CUEDC1: variants seen among roughly 807,000 people sequenced by gnomAD.
The protein encoded by CUEDC1 is CUE domain-containing protein 1.
In CUEDC1, 30 loss-of-function variants were observed where a neutral mutation model predicts 43.7. That is an observed-to-expected ratio of 0.69 (90% CI 0.51 to 0.93). The LOEUF is 0.93. CUEDC1 is among the 40% of genes least tolerant of loss of function. The pLI, the probability that CUEDC1 is intolerant of heterozygous loss-of-function variation, is 0.00. For missense variants in CUEDC1, 486 were observed against 549.0 expected, an observed-to-expected ratio of 0.89 and a Z score of 1.15; for synonymous variants, 223 against 223.6, an observed-to-expected ratio of 1.00 and a Z score of 0.02.
At chr17:57,864,017 A>AG (rs35429714) in intron 10 of CUEDC1, among the ~76,000 whole-genome samples, 2 of 149,338 alleles carry the variant, frequency 1.3e-5, no homozygotes, top group East Asian at 1.9e-4. Flanking sequence ...AAAAAAAAAA[A>AG]GAAAGAAAAG....
intron 2 of CUEDC1, among the ~76,000 whole-genome samples, chr17:57,881,408 G>GCT (rs1568033847): frequency 2.0e-5 from 3 of 152,246 alleles, no homozygotes; most frequent in Non-Finnish European, 2.9e-5. Context: ...AAAAGAGAGA[G>GCT]AACACTGTAA....
intron 4 of CUEDC1, among the ~76,000 whole-genome samples, chr17:57,873,146 G>GA (rs1340182952): frequency 6.6e-6 from 1 of 152,192 alleles, no homozygotes; most frequent in Non-Finnish European, 1.5e-5. Context: ...GCAGACTGTG[G>GA]AACAGCCTAT....
chr17:57,921,719 T>TC (rs1259535341), intron 1 of CUEDC1, among the ~76,000 whole-genome samples: 2 of 152,242 alleles, frequency 1.3e-5, no homozygotes, highest in South Asian at 4.2e-4. Context: ...CCAGCACCTG[T>TC]CTCCAGTGCT....
chr17:57,935,925 A>G (rs1311334489), intron 1 of CUEDC1, among the ~76,000 whole-genome samples: 1 of 152,192 alleles, frequency 6.6e-6, no homozygotes, highest in African/African-American at 2.4e-5. Flanking sequence ...GGCTCCTGAG[A>G]GAAAGACCAG....
chr17:57,928,924 T>G (rs1331947794), intron 1 of CUEDC1, among the ~76,000 whole-genome samples: 1 of 152,144 alleles, frequency 6.6e-6, no homozygotes, highest in Non-Finnish European at 1.5e-5. Flanking sequence ...TTGTCCCAAT[T>G]CTGATCCTGG....
chr17:57,874,681 A>G (rs1405600508), intron 3 of CUEDC1, among the ~76,000 whole-genome samples: 1 of 152,094 alleles, frequency 6.6e-6, no homozygotes, highest in Non-Finnish European at 1.5e-5. Flanking sequence ...AAAACGGCAC[A>G]CTGAGAAGGC....
chr17:57,908,041 C>T (rs931931085), intron 1 of CUEDC1, among the ~76,000 whole-genome samples: 1 of 151,940 alleles, frequency 6.6e-6, no homozygotes, highest in African/African-American at 2.4e-5. Context: ...ACACGCATGC[C>T]CACGGGCCAG....
At position 57,872,869 on chromosome 17, in the gene CUEDC1, C is replaced by A; in HGVS notation, c.592-14G>T. The stretch of plus-strand genomic sequence containing the variant: ...CCCAGCGTTACCCTGAGGAGGGAAG[C>A]GAGCATGTTGAATGTGTACACACAA... On this transcript the variant is annotated splice_polypyrimidine_tract_variant and intron_variant, in intron 4 of 10. Transcript: ENST00000577830. The A allele has an allele frequency of 3.1e-6, 5 of 1,607,246 alleles. No individual in the cohort carries two copies. The highest frequency in any genetic ancestry group is 4.2e-6 in the Non-Finnish European group (5 of 1,177,440).
intron 5 of CUEDC1, 76 bp from the exon 6 acceptor site, chr17:57,871,445 T>A: frequency 1.6e-6 from 2 of 1,228,756 alleles, no homozygotes; most frequent in Non-Finnish European, 2.4e-6. Flanking sequence ...TGGGACACGG[T>A]AGTTTGCTAG....
At chr17:57,926,477 T>C (rs774309812) in intron 1 of CUEDC1, among the ~76,000 whole-genome samples, 49 of 151,842 alleles carry the variant, frequency 3.2e-4, no homozygotes, top group Non-Finnish European at 5.6e-4. Flanking sequence ...GAGAAATGTA[T>C]GGGATGGGAC....
At chr17:57,939,863 C>T (rs1022808543) in intron 1 of CUEDC1, among the ~76,000 whole-genome samples, 1 of 152,190 alleles carries the variant, frequency 6.6e-6, no homozygotes, top group African/African-American at 2.4e-5. Context: ...TGCACATCCA[C>T]AGCAGCAGCG....
intron 1 of CUEDC1, among the ~76,000 whole-genome samples, chr17:57,900,834 C>T (rs564942816): frequency 6.6e-6 from 1 of 152,352 alleles, no homozygotes; most frequent in African/African-American, 2.4e-5. Context: ...GCCTGTTCTG[C>T]TCACTGCTAC....
intron 1 of CUEDC1, among the ~76,000 whole-genome samples, chr17:57,891,237 T>C (rs528369247): frequency 6.6e-6 from 1 of 152,236 alleles, no homozygotes; most frequent in African/African-American, 2.4e-5. Context: ...ATCCGACCTG[T>C]GATTCCCTCC....
intron 1 of CUEDC1, among the ~76,000 whole-genome samples, chr17:57,916,100 A>G (rs944491954): frequency 6.6e-6 from 1 of 152,260 alleles, no homozygotes; most frequent in Non-Finnish European, 1.5e-5. Flanking sequence ...AGGGCCGGAA[A>G]GGTTAAAGGC....
chr17:57,949,102 T>G (rs1344823512), intron 1 of CUEDC1, among the ~76,000 whole-genome samples: 3 of 152,210 alleles, frequency 2.0e-5, no homozygotes, highest in African/African-American at 7.2e-5. Flanking sequence ...GAGAACAATG[T>G]GCTCCCATGC....
At chr17:57,868,315 G>C in intron 7 of CUEDC1, 72 bp from the exon 8 acceptor site, 1 of 1,389,266 alleles carries the variant, frequency 7.2e-7, no homozygotes, top group Non-Finnish European at 1.0e-6. Context: ...CCAGGTGTGG[G>C]AAAGGCCAGG....
intron 10 of CUEDC1, among the ~76,000 whole-genome samples, chr17:57,864,255 G>A (rs1214807737): frequency 6.6e-6 from 1 of 152,084 alleles, no homozygotes; most frequent in African/African-American, 2.4e-5. Context: ...AAAATCTTGG[G>A]TGCAGCTGGG....
At chr17:57,872,936 A>G in intron 4 of CUEDC1, 81 bp from the exon 5 acceptor site, 1 of 1,333,670 alleles carries the variant, frequency 7.5e-7, no homozygotes, top group Non-Finnish European at 1.0e-6. Context: ...CTGGTTGCAC[A>G]CATGCCCTGT....
chr17:57,887,944 A>G (rs774387337), intron 1 of CUEDC1, among the ~76,000 whole-genome samples: 1 of 122,492 alleles, frequency 8.2e-6, no homozygotes, highest in South Asian at 2.5e-4. Context: ...GCTGTAGCCC[A>G]GGCCGGAGTG....
Sources: allele counts gnomAD v4.1 joint callset (sites outside exome capture counted in the v4.1 genomes callset), GRCh38; gene constraint gnomAD v4.1.1; transcripts MANE v1.5; gene names NCBI Gene and HGNC (gene_info 2026-07-23, HGNC 2026-07-21).